WIPF3: variants seen among roughly 807,000 people sequenced by gnomAD.
WIPF3 encodes the protein WAS/WASL-interacting protein family member 3.
WIPF3 carries 33 observed loss-of-function variants against 38.9 expected under a neutral mutation model. That is an observed-to-expected ratio of 0.85 (90% CI 0.64 to 1.14). The LOEUF is 1.14. WIPF3 is among the 50% of genes most tolerant of loss of function. The pLI is 0.00. For synonymous variants in WIPF3, 324 were observed against 269.3 expected (o/e 1.20, Z -1.99); for missense variants, 711 against 652.5 (o/e 1.09, Z -0.98).
intron 1 of WIPF3, among the ~76,000 whole-genome samples, chr7:29,824,566 A>G (rs996642716): frequency 2.0e-5 from 3 of 151,220 alleles, no homozygotes; most frequent in Non-Finnish European, 2.9e-5. Context: ...AAAAAAAAAG[A>G]AAAAAAAGGA....
chr7:29,878,431 C>A lies in WIPF3; in HGVS notation c.224-578C>A, dbSNP rs191506416. 0.01 allele frequency among the ~76,000 whole-genome samples: 1,548 copies of A among 152,232 alleles called. 14 individuals are homozygous for A. The highest frequency in any genetic ancestry group is 0.014 in the Non-Finnish European group (974 of 68,022). On this transcript the variant is annotated intron_variant, in intron 3 of 8. Transcript: ENST00000242140. The surrounding 1 kb of genome is among the most constrained non-coding windows in gnomAD (Gnocchi z 4.0). ...ACACCTTTCCTCAGGGGCTCATGATCTTTCCGTTCCATAGATGAAAAGGTG... is the reference window on the plus strand; with the variant it reads ...ACACCTTTCCTCAGGGGCTCATGATATTTCCGTTCCATAGATGAAAAGGTG...
chr7:29,903,207 T>A (rs1430566222), intron 7 of WIPF3, among the ~76,000 whole-genome samples: 1 of 152,104 alleles, frequency 6.6e-6, no homozygotes, highest in Non-Finnish European at 1.5e-5. Context: ...GGTGGAAGGA[T>A]CACTTGAGTC....
chr7:29,822,123 G>GTTTTTTTTT, intron 1 of WIPF3, among the ~76,000 whole-genome samples: 88 of 62,800 alleles, frequency 1.4e-3, no homozygotes, highest in Middle Eastern at 0.014. Context: ...TTTTTTCTTA[G>GTTTTTTTTT]TTTTTTTTTT....
rs770151939 is a variant in WIPF3 at position 29,809,757 on chromosome 7, C to T, written c.-58+3079C>T. Among the ~76,000 whole-genome samples the T allele has an allele frequency of 3.3e-5, 5 of 152,132 alleles. No individual in the cohort carries two copies. The East Asian group carries it at 5.8e-4, about 18-fold the overall frequency. Reference sequence around the variant, plus strand: ...AGCAGGGGAATTGTGTAGTGAACTGCGGTGTTCAAGTGCCAAGGAGGTAAA... The same window carrying T: ...AGCAGGGGAATTGTGTAGTGAACTGTGGTGTTCAAGTGCCAAGGAGGTAAA... On this transcript the variant is annotated intron_variant, in intron 1 of 8. Coordinates refer to ENST00000242140, the MANE Select transcript of WIPF3 (RefSeq NM_001080529.3).
At chr7:29,884,840 A>G (rs1272511044) in intron 5 of WIPF3, among the ~76,000 whole-genome samples, 2 of 152,198 alleles carry the variant, frequency 1.3e-5, no homozygotes, top group African/African-American at 4.8e-5. Context: ...CATCTGTAAA[A>G]TGGGGATAGA....
At chr7:29,911,003 T>C (rs1485959730) in intron 8 of WIPF3, among the ~76,000 whole-genome samples, 3 of 150,010 alleles carry the variant, frequency 2.0e-5, no homozygotes, top group Non-Finnish European at 4.4e-5. Flanking sequence ...TGATATGTTG[T>C]TATATGTAGA....
At chr7:29,880,860 C>T (rs961906828) in intron 4 of WIPF3, among the ~76,000 whole-genome samples, 1 of 152,132 alleles carries the variant, frequency 6.6e-6, no homozygotes, top group African/African-American at 2.4e-5. Context: ...TGGCTCCCTG[C>T]TCCCAGCACT....
chr7:29,815,935 A>C (rs1037577575), intron 1 of WIPF3, among the ~76,000 whole-genome samples: 6 of 152,170 alleles, frequency 3.9e-5, no homozygotes, highest in Non-Finnish European at 7.4e-5. Context: ...AGGCCAGCAC[A>C]GCAAATCCCA....
At chr7:29,827,983 G>A (rs538559761) in intron 1 of WIPF3, among the ~76,000 whole-genome samples, 1 of 152,182 alleles carries the variant, frequency 6.6e-6, no homozygotes, top group Non-Finnish European at 1.5e-5. Flanking sequence ...ATTTTTTGTA[G>A]AGATGGGATT....
At chr7:29,883,738 G>C in intron 4 of WIPF3, 112 bp from the exon 5 acceptor site, 1 of 1,392,530 alleles carries the variant, frequency 7.2e-7, no homozygotes, top group South Asian at 1.7e-5. Flanking sequence ...AGAAAAAGCG[G>C]TCTACAGTGC....
chr7:29,838,855 A>G (rs905525775), intron 2 of WIPF3, among the ~76,000 whole-genome samples: 1 of 152,224 alleles, frequency 6.6e-6, no homozygotes, highest in Admixed American at 6.5e-5. Context: ...AATGTGTGTT[A>G]TGGTCATGCT....
chr7:29,848,585 T>C (rs1325549034), intron 2 of WIPF3, among the ~76,000 whole-genome samples: 2 of 152,172 alleles, frequency 1.3e-5, no homozygotes, highest in Non-Finnish European at 2.9e-5. Flanking sequence ...CATTTAAAAC[T>C]CTACTACCCA....
chr7:29,862,519 T>A (rs1470864990), intron 2 of WIPF3, among the ~76,000 whole-genome samples: 1 of 152,170 alleles, frequency 6.6e-6, no homozygotes, highest in African/African-American at 2.4e-5. Context: ...ACTGAGCAAG[T>A]GGCCCAGTGG....
chr7:29,849,904 C>T (rs1404950030), intron 2 of WIPF3, among the ~76,000 whole-genome samples: 2 of 152,096 alleles, frequency 1.3e-5, no homozygotes, highest in South Asian at 2.1e-4. Context: ...AATCTAAGAC[C>T]GTGGTGGAAT....
At chr7:29,890,792 A>G (rs544730113) in intron 7 of WIPF3, among the ~76,000 whole-genome samples, 7 of 120,492 alleles carry the variant, frequency 5.8e-5, no homozygotes, top group Admixed American at 2.5e-4. Context: ...GGAGGGGGCG[A>G]GGGCCTGCCC....
intron 2 of WIPF3, among the ~76,000 whole-genome samples, chr7:29,841,446 C>G (rs1377789440): frequency 6.6e-6 from 1 of 152,242 alleles, no homozygotes; most frequent in East Asian, 1.9e-4. Context: ...CAGACGGGCT[C>G]TCTTCATCTC....
chr7:29,909,880 A>T (rs1786471452), intron 8 of WIPF3, among the ~76,000 whole-genome samples: 1 of 141,646 alleles, frequency 7.1e-6, no homozygotes, highest in Non-Finnish European at 1.5e-5. Flanking sequence ...TGGGTGACAG[A>T]GTGAAACCCT....
intron 2 of WIPF3, among the ~76,000 whole-genome samples, chr7:29,858,793 T>C (rs1382439533): frequency 6.6e-6 from 1 of 152,150 alleles, no homozygotes; most frequent in African/African-American, 2.4e-5. Context: ...ACAAAGAGTG[T>C]CATTAAGGAG....
chr7:29,891,140 G>A (rs1163893047), intron 7 of WIPF3, among the ~76,000 whole-genome samples: 1 of 63,444 alleles, frequency 1.6e-5, no homozygotes, highest in African/African-American at 5.3e-5. Context: ...AGGTGGAGGG[G>A]GCGCGGGCCT....
Sources: allele counts gnomAD v4.1 joint callset (sites outside exome capture counted in the v4.1 genomes callset), GRCh38; gene constraint gnomAD v4.1.1; non-coding constraint Gnocchi (gnomAD v3.1); transcripts MANE v1.5; gene names NCBI Gene and HGNC (gene_info 2026-07-23, HGNC 2026-07-21).